CNMD: variants seen among roughly 807,000 people sequenced by gnomAD.
The protein encoded by CNMD is leukocyte cell-derived chemotaxin 1.
In CNMD, 30 loss-of-function variants were observed where a neutral mutation model predicts 37.5. That is an observed-to-expected ratio of 0.80 (90% CI 0.60 to 1.09). The LOEUF (loss-of-function observed/expected upper bound fraction) is 1.09. Among genes scored for constraint, CNMD ranks in the 50% least tolerant of loss-of-function variants. CNMD has a pLI of 0.00. For missense variants in CNMD, 398 were observed against 423.9 expected (o/e 0.94, Z 0.54); for synonymous variants, 167 against 148.2 (o/e 1.13, Z -0.92).
intron 5 of CNMD, 61 bp downstream of exon 5, chr13:52,712,655 G>T: frequency 8.5e-6 from 10 of 1,178,872 alleles, no homozygotes; most frequent in Non-Finnish European, 1.1e-5. Flanking sequence ...GGGGGTTGGA[G>T]GAACCTCACA....
intron 3 of CNMD, 42 bp downstream of exon 3, chr13:52,733,177 G>C (rs1017424461): frequency 4.2e-5 from 67 of 1,609,600 alleles, no homozygotes; most frequent in Middle Eastern, 1.6e-4. Flanking sequence ...AGTCCCGCAG[G>C]CTTGCCTGGT....
intron 3 of CNMD, among the ~76,000 whole-genome samples, chr13:52,725,196 G>C (rs1964551901): frequency 6.6e-6 from 1 of 152,208 alleles, no homozygotes; most frequent in South Asian, 2.1e-4. Context: ...CAACTGGGAT[G>C]CTTACTCAGC....
chr13:52,716,541 G>C (rs565899086), intron 4 of CNMD, among the ~76,000 whole-genome samples: 2 of 152,208 alleles, frequency 1.3e-5, no homozygotes, highest in East Asian at 3.9e-4. Context: ...GTAAGGAAGG[G>C]GTCCGGTTTC....
rs566777735 is a variant in CNMD at position 52,725,906 on chromosome 13, C to T, written c.355-1796G>A. ...GCTCTACCTTATGTAGTCACAGAGC[C>T]AGGAGCCCTACAGAAGCTGGTGAGT... On this transcript the variant is annotated intron_variant, in intron 3 of 6. Coordinates refer to ENST00000377962, the MANE Select transcript of CNMD (RefSeq NM_007015.3). 5.3e-5 allele frequency among the ~76,000 whole-genome samples: 8 copies of T among 152,258 alleles called. No individual in the cohort carries two copies. The South Asian group carries it at 1.7e-3, about 32-fold the overall frequency.
At chr13:52,715,597 GCA>G (rs1162897487) in intron 4 of CNMD, among the ~76,000 whole-genome samples, 1 of 152,210 alleles carries the variant, frequency 6.6e-6, no homozygotes, top group African/African-American at 2.4e-5. Context: ...GTGAGAACAT[GCA>G]GTGTCTGGTT....
At chr13:52,735,643 C>T (rs1429136274) in intron 2 of CNMD, among the ~76,000 whole-genome samples, 1 of 150,430 alleles carries the variant, frequency 6.6e-6, no homozygotes, top group Non-Finnish European at 1.5e-5. Context: ...ATAAAATACA[C>T]TAACACTAAC....
intron 3 of CNMD, among the ~76,000 whole-genome samples, chr13:52,727,633 C>A (rs1964597538): frequency 6.6e-6 from 1 of 152,058 alleles, no homozygotes; most frequent in African/African-American, 2.4e-5. Flanking sequence ...AGAATGAAAT[C>A]ATGTCATTTC....
At chr13:52,717,890 T>C (rs1378415827) in intron 4 of CNMD, among the ~76,000 whole-genome samples, 1 of 152,190 alleles carries the variant, frequency 6.6e-6, no homozygotes, top group Non-Finnish European at 1.5e-5. Flanking sequence ...TCTTTTTGTA[T>C]TGTTTGGAAT....
chr13:52,724,578 G>A (rs879548463), intron 3 of CNMD, among the ~76,000 whole-genome samples: 3 of 151,926 alleles, frequency 2.0e-5, no homozygotes, highest in African/African-American at 7.3e-5. Flanking sequence ...GGGCAACAGA[G>A]CAAGACTCCG....
chr13:52,715,956 ATAGTC>A (rs1964371411), intron 4 of CNMD, among the ~76,000 whole-genome samples: 1 of 152,214 alleles, frequency 6.6e-6, no homozygotes, highest in Non-Finnish European at 1.5e-5. Context: ...AAACTGATTT[ATAGTC>A]CCATCAACAG....
chr13:52,711,866 C>T (rs1964294570), intron 5 of CNMD, among the ~76,000 whole-genome samples: 1 of 152,148 alleles, frequency 6.6e-6, no homozygotes, highest in African/African-American at 2.4e-5. Context: ...TAAACACTAA[C>T]TGCCCAGTTT....
intron 6 of CNMD, 77 bp downstream of exon 6, chr13:52,708,459 G>T: frequency 1.5e-6 from 2 of 1,366,864 alleles, no homozygotes; most frequent in Middle Eastern, 1.9e-4. Flanking sequence ...AGGATTACAG[G>T]CGTAAGCCAC....
At chr13:52,731,324 T>C (rs1424483335) in intron 3 of CNMD, among the ~76,000 whole-genome samples, 2 of 152,212 alleles carry the variant, frequency 1.3e-5, no homozygotes, top group African/African-American at 2.4e-5. Flanking sequence ...TCCGCCTGCT[T>C]AGCATCATCC....
chr13:52,739,254 A>G lies in CNMD; in HGVS notation c.73-83T>C. 1.4e-6 allele frequency: 2 copies of G among 1,388,014 alleles called. No individual in the cohort carries two copies. The highest frequency in any genetic ancestry group is 2.9e-5 in the East Asian group (1 of 34,308). 86.0% of individuals were successfully genotyped at this position (1,388,014 alleles called of 1,614,324 possible). ...CCAGCGCACCCGGGCCCCACGCGGTAGCCCCCAGGGAGTGGGGAGTCGGGC... is the reference window on the plus strand; with the variant it reads ...CCAGCGCACCCGGGCCCCACGCGGTGGCCCCCAGGGAGTGGGGAGTCGGGC... On this transcript the variant is annotated intron_variant, in intron 1 of 6. Transcript: ENST00000377962. This position sits in a 1 kb window ranked among gnomAD's most constrained non-coding sequence, Gnocchi z 5.4.
intron 4 of CNMD, among the ~76,000 whole-genome samples, chr13:52,719,291 CTG>C (rs1964441253): frequency 1.3e-5 from 2 of 151,480 alleles, no homozygotes; most frequent in South Asian, 4.2e-4. Context: ...GTTTGCCTGT[CTG>C]TGTCTTTTAA....
chr13:52,732,320 G>C (rs1484555943), intron 3 of CNMD, among the ~76,000 whole-genome samples: 1 of 152,140 alleles, frequency 6.6e-6, no homozygotes, highest in Non-Finnish European at 1.5e-5. Context: ...CTTCCTTATA[G>C]TAAAACATGA....
intron 6 of CNMD, among the ~76,000 whole-genome samples, chr13:52,707,094 A>G (rs1249156700): frequency 6.6e-6 from 1 of 151,944 alleles, no homozygotes; most frequent in African/African-American, 2.4e-5. Context: ...GGGTTTTACC[A>G]TGTTGGCCAG....
intron 6 of CNMD, among the ~76,000 whole-genome samples, chr13:52,706,527 C>T (rs979237521): frequency 2.6e-5 from 4 of 152,126 alleles, no homozygotes; most frequent in Non-Finnish European, 4.4e-5. Context: ...TATCCTGTAA[C>T]AGTATTTGCA....
chr13:52,721,200 G>A (rs1964476845), intron 4 of CNMD, among the ~76,000 whole-genome samples: 1 of 152,202 alleles, frequency 6.6e-6, no homozygotes, highest in Non-Finnish European at 1.5e-5. Flanking sequence ...TGCTGGCAGC[G>A]AGAATTTCAA....
Sources: gnomAD v4.1 joint callset for allele counts (sites outside exome capture counted in the v4.1 genomes callset) on GRCh38, gnomAD v4.1.1 for gene constraint, Gnocchi (gnomAD v3.1) non-coding constraint, MANE v1.5 for transcripts, NCBI Gene and HGNC (gene_info 2026-07-23, HGNC 2026-07-21) for gene names.